Variants in ENTPD3 observed in about 807,000 individuals in gnomAD.
The protein encoded by ENTPD3 is CD39 antigen-like 3.
A neutral mutation model predicts 51.2 loss-of-function variants in ENTPD3; 60 were observed. The observed-to-expected ratio is 1.17, with a 90% confidence interval of 0.95 to 1.45. The LOEUF is 1.45. ENTPD3 is among the 40% of genes most tolerant of loss of function. The pLI is 0.00. For missense variants in ENTPD3, 593 were observed against 641.1 expected, an observed-to-expected ratio of 0.93 and a Z score of 0.81; for synonymous variants, 221 against 238.4, an observed-to-expected ratio of 0.93 and a Z score of 0.67.
intron 4 of ENTPD3, among the ~76,000 whole-genome samples, chr3:40,402,028 G>A (rs567535325): frequency 3.8e-4 from 57 of 150,712 alleles, no homozygotes; most frequent in African/African-American, 1.2e-3. Flanking sequence ...ATTTTATGCC[G>A]TATTTGCTTT....
intron 4 of ENTPD3, among the ~76,000 whole-genome samples, chr3:40,405,728 A>G (rs1955477917): frequency 6.6e-6 from 1 of 152,002 alleles, no homozygotes; most frequent in Non-Finnish European, 1.5e-5. Context: ...GGCTTAATGG[A>G]CCTTATGCAA....
At chr3:40,403,966 G>A (rs992426327) in intron 4 of ENTPD3, among the ~76,000 whole-genome samples, 1 of 152,120 alleles carries the variant, frequency 6.6e-6, no homozygotes, top group African/African-American at 2.4e-5. Context: ...TCTGAGTATT[G>A]CTTGCTTGTT....
intron 4 of ENTPD3, among the ~76,000 whole-genome samples, chr3:40,402,123 C>CTTTTTTTTTTTTTTTTTTTTTTTTTT (rs58000344): frequency 9.5e-5 from 9 of 95,026 alleles, no homozygotes; most frequent in East Asian, 3.6e-4. Context: ...TTTTTTTTTT[C>CTTTTTTTTTTTTTTTTTTTTTTTTTT]TTTTTTTTTT....
chr3:40,409,139 C>A (rs757524083), intron 4 of ENTPD3, among the ~76,000 whole-genome samples: 1 of 151,970 alleles, frequency 6.6e-6, no homozygotes, highest in African/African-American at 2.4e-5. Context: ...GTAGTCCCAG[C>A]TACTCGGGAG....
chr3:40,396,110 G>C (rs1012256885), intron 3 of ENTPD3, among the ~76,000 whole-genome samples: 3 of 152,194 alleles, frequency 2.0e-5, no homozygotes, highest in African/African-American at 7.2e-5. Context: ...ACAGACCCTA[G>C]CCACCATTGC....
At chr3:40,393,703 C>T (rs1432914203) in intron 3 of ENTPD3, among the ~76,000 whole-genome samples, 4 of 151,904 alleles carry the variant, frequency 2.6e-5, no homozygotes, top group African/African-American at 7.3e-5. Context: ...AAGCAAATTA[C>T]CCAGTTGTCC....
intron 7 of ENTPD3, among the ~76,000 whole-genome samples, chr3:40,422,082 G>A (rs1955884906): frequency 6.6e-6 from 1 of 151,852 alleles, no homozygotes; most frequent in Non-Finnish European, 1.5e-5. Context: ...ATAAGAGCTG[G>A]ATCAGATAAT....
At chr3:40,426,107 C>CTTTT (rs35267876) in intron 10 of ENTPD3, among the ~76,000 whole-genome samples, 17 of 112,446 alleles carry the variant, frequency 1.5e-4, no homozygotes, top group African/African-American at 2.6e-4. Flanking sequence ...TTTTTCTTTT[C>CTTTT]TTTTTTTTTT....
intron 4 of ENTPD3, among the ~76,000 whole-genome samples, chr3:40,402,086 G>A (rs1955370428): frequency 7.2e-6 from 1 of 138,390 alleles, no homozygotes; most frequent in African/African-American, 2.6e-5. Context: ...ACTGATATGA[G>A]TAACTATCTT....
chr3:40,411,240 G>A (rs1340993612), intron 4 of ENTPD3, among the ~76,000 whole-genome samples: 5 of 150,362 alleles, frequency 3.3e-5, no homozygotes, highest in South Asian at 2.1e-4. Context: ...GTAGTGAGCC[G>A]AGATCGTGCC....
intron 2 of ENTPD3, 70 bp from the exon 3 acceptor site, chr3:40,391,953 A>G: frequency 1.3e-6 from 2 of 1,579,894 alleles, no homozygotes; most frequent in Non-Finnish European, 1.7e-6. Context: ...CAGTCCATCA[A>G]TTCTACAAAG....
At chr3:40,387,649 C>T (rs1445994218) in intron 1 of ENTPD3, among the ~76,000 whole-genome samples, 3 of 152,100 alleles carry the variant, frequency 2.0e-5, no homozygotes, top group African/African-American at 4.8e-5. Context: ...TCCAGGCTCG[C>T]GATCCATGAA....
chr3:40,393,275 C>T (rs997928305), intron 3 of ENTPD3, among the ~76,000 whole-genome samples: 2 of 152,068 alleles, frequency 1.3e-5, no homozygotes, highest in African/African-American at 2.4e-5. Flanking sequence ...CATTTATAGT[C>T]TCTGTTTTAT....
At chr3:40,397,479 G>T (rs1290589789) in intron 3 of ENTPD3, among the ~76,000 whole-genome samples, 1 of 151,910 alleles carries the variant, frequency 6.6e-6, no homozygotes, top group African/African-American at 2.4e-5. Context: ...GCCTCGGTTT[G>T]CCCATGTGTC....
intron 2 of ENTPD3, among the ~76,000 whole-genome samples, chr3:40,390,473 G>C (rs1955027452): frequency 6.6e-6 from 1 of 152,122 alleles, no homozygotes; most frequent in Non-Finnish European, 1.5e-5. Context: ...GGGATTACAG[G>C]CATAAGCCAC....
At chr3:40,397,862 T>G (rs1445310168) in intron 3 of ENTPD3, among the ~76,000 whole-genome samples, 1 of 152,114 alleles carries the variant, frequency 6.6e-6, no homozygotes, top group Admixed American at 6.6e-5. Context: ...AGATCCACAT[T>G]TGAGCCATGG....
intron 4 of ENTPD3, among the ~76,000 whole-genome samples, chr3:40,401,953 T>C (rs1045044159): frequency 6.6e-6 from 1 of 151,740 alleles, no homozygotes; most frequent in Non-Finnish European, 1.5e-5. Flanking sequence ...TTTTGTCTTA[T>C]GTATGTAGTG....
In ENTPD3 at chr3:40,413,128, G is replaced by A. The variant is rs144712686; in HGVS notation, c.437+1166G>A. On this transcript the variant is annotated intron_variant, in intron 5 of 10. Coordinates refer to ENST00000301825, the MANE Select transcript of ENTPD3 (RefSeq NM_001248.4). ...GCTATAGTGGATGCTTCCTTAACACGACATGTGTGGAGCTACTTATAGAAA... is the reference window on the plus strand; with the variant it reads ...GCTATAGTGGATGCTTCCTTAACACAACATGTGTGGAGCTACTTATAGAAA... 1.1e-4 allele frequency among the ~76,000 whole-genome samples: 16 copies of A among 152,244 alleles called. No individual in the cohort carries two copies. The East Asian group carries it at 2.5e-3, about 24-fold the overall frequency.
chr3:40,407,577 G>A (rs1034659507), intron 4 of ENTPD3, among the ~76,000 whole-genome samples: 11 of 152,138 alleles, frequency 7.2e-5, no homozygotes, highest in Admixed American at 3.9e-4. Flanking sequence ...GGGGGAGGGG[G>A]AGGATGAAGA....
Sources: allele counts gnomAD v4.1 joint callset (sites outside exome capture counted in the v4.1 genomes callset), GRCh38; gene constraint gnomAD v4.1.1; transcripts MANE v1.5; gene names NCBI Gene and HGNC (gene_info 2026-07-23, HGNC 2026-07-21).